MAST3: variants seen among roughly 807,000 people sequenced by gnomAD.
The protein encoded by MAST3 is microtubule associated serine/threonine kinase 3.
Under a neutral mutation model 127.0 loss-of-function variants are expected in MAST3, and 43 were observed. The observed-to-expected ratio is 0.34, with a 90% CI of 0.27 to 0.44. MAST3 has a LOEUF of 0.44. Ranked by LOEUF, MAST3 falls within the 20% of genes least tolerant of loss-of-function variation. The probability of loss-of-function intolerance (pLI) is 1.00; values close to 1 mark genes in which losing one functional copy is unlikely to be tolerated. For synonymous variants in MAST3, 785 were observed against 809.2 expected (o/e 0.97, Z 0.51); for missense variants, 1,390 against 1,919.1 (o/e 0.72, Z 5.15).
intron 2 of MAST3, among the ~76,000 whole-genome samples, chr19:18,107,983 G>A (rs530857946): frequency 7.3e-4 from 111 of 152,220 alleles, no homozygotes; most frequent in African/African-American, 2.6e-3. Context: ...TTCCTTTTGG[G>A]GAACACCAGC....
intron 10 of MAST3, 64 bp downstream of exon 10, chr19:18,124,430 T>A (rs1259915420): frequency 1.4e-6 from 2 of 1,468,734 alleles, no homozygotes; most frequent in Non-Finnish European, 1.9e-6. Flanking sequence ...ACCACAACAG[T>A]CCTGCCAAGA....
At position 18,100,128 on chromosome 19, in the gene MAST3, C is replaced by CTCTTTTTTTTTTTTTTTTT. The variant is rs776661078; in HGVS notation, c.39+2298_39+2299insCTTTTTTTTTTTTTTTTTT. Among the ~76,000 whole-genome samples, 408 of 121,514 alleles carry CTCTTTTTTTTTTTTTTTTT rather than the reference C, an allele frequency of 3.4e-3. 14 individuals carry two copies. Among genetic ancestry groups the CTCTTTTTTTTTTTTTTTTT allele is most frequent in the Admixed American group, 0.019 (197 of 10,464 alleles). The allele number at this position is 121,514 out of a possible 152,430, so 79.7% of individuals were successfully genotyped here. On this transcript the variant is annotated intron_variant, in intron 1 of 27. Coordinates refer to ENST00000687212, the MANE Select transcript of MAST3 (RefSeq NM_001393504.1). ...GGCAGAAGGATCTCTCTCTCTCTCTCTTTTTTTTTTTTTTGAGAAAGAATC... is the reference window on the plus strand; with the variant it reads ...GGCAGAAGGATCTCTCTCTCTCTCTCTCTTTTTTTTTTTTTTTTTTTTTTTTTTTTTTTGAGAAAGAATC...
In MAST3 at chr19:18,143,871, C is replaced by T. The variant is rs1243282487; in HGVS notation, c.2448C>T (p.Pro816=). The T allele has an allele frequency of 1.2e-6, 2 of 1,613,842 alleles. No individual in the cohort carries two copies. The highest frequency in any genetic ancestry group is 4.5e-5 in the East Asian group (2 of 44,890). Residue 816 remains proline, a synonymous_variant, in exon 22 of 28, where the codon CCC becomes CCT. Coordinates refer to ENST00000687212, the MANE Select transcript of MAST3 (RefSeq NM_001393504.1). ...ATACCATCAGCCTGGACACAATGCC[C>T]AAGTTTGCCTTCTCATCAGAGGATG... The part of the protein sequence containing the change: ...LLNTISLDTM[P]KFAFSSEDEG...
chr19:18,137,160 G>A, intron 18 of MAST3, 79 bp from the exon 19 acceptor site: 2 of 1,554,582 alleles, frequency 1.3e-6, no homozygotes, highest in East Asian at 2.3e-5. Flanking sequence ...TATGTGTCCA[G>A]CATGGGCAGT....
Position 18,110,257 on chromosome 19 carries a change from G to A in MAST3, c.72-395G>A, listed in dbSNP as rs75869159. 54 of 985,576 alleles carry A rather than the reference G, an allele frequency of 5.5e-5. No individual in the cohort carries two copies. The East Asian group carries it at 3.9e-3, about 70-fold the overall frequency. The allele number at this position is 985,576 out of a possible 1,614,324, so 61.1% of individuals were successfully genotyped here. A position where few individuals can be genotyped will look rare whatever the true frequency, so the allele number is the denominator to read the frequency against. On this transcript the variant is annotated intron_variant, in intron 2 of 27. Transcript: ENST00000687212. This position sits in a 1 kb window ranked among gnomAD's most constrained non-coding sequence, Gnocchi z 4.3. ...TCGGTCCGCTCGCGCCACGATCAGG[G>A]CTTCCGGGGGCCAACAAGGGGGCGT...
intron 2 of MAST3, chr19:18,109,983 C>G (rs930640995): frequency 1.0e-6 from 1 of 985,268 alleles, no homozygotes; most frequent in African/African-American, 1.7e-5. Flanking sequence ...AGTGACCGCC[C>G]TTCCCTTCCG....
intron 3 of MAST3, among the ~76,000 whole-genome samples, chr19:18,118,407 C>T (rs1367262100): frequency 1.3e-5 from 2 of 152,140 alleles, no homozygotes; most frequent in East Asian, 1.9e-4. Context: ...CGAGGTGTCC[C>T]CTGGGGTCCC....
rs1305441070 is a variant in MAST3 at position 18,121,674 on chromosome 19, T to C, written c.162-11T>C. On this transcript the variant is annotated splice_polypyrimidine_tract_variant and intron_variant, in intron 3 of 27. Transcript: ENST00000687212. ...GGCAGCCACCTACCCTGTCCCCTTT[T>C]CCCCCCACAGCTGCCGCAGCGGGAA... The C allele has an allele frequency of 3.1e-6, 5 of 1,612,192 alleles. No individual in the cohort carries two copies. The highest frequency in any genetic ancestry group is 1.3e-5 in the African/African-American group (1 of 74,872).
chr19:18,145,654 G>T lies in MAST3; in HGVS notation c.3040-89G>T. The T allele has an allele frequency of 7.1e-7, 1 of 1,417,404 alleles. No homozygotes were observed. Among genetic ancestry groups the T allele is most frequent in the South Asian group, 1.5e-5 (1 of 66,496 alleles). 87.8% of individuals were successfully genotyped at this position (1,417,404 alleles called of 1,614,324 possible). On this transcript the variant is annotated intron_variant, in intron 24 of 27. Transcript: ENST00000687212. The surrounding 1 kb of genome is among the most constrained non-coding windows in gnomAD (Gnocchi z 5.9). ...GAGACAGCACAAGAGGCAGCAGCTT[G>T]CTGGGGTCCCACAGCAGACCCAGCC...
intron 5 of MAST3, 129 bp downstream of exon 5, chr19:18,122,051 T>A: frequency 6.7e-7 from 1 of 1,486,448 alleles, no homozygotes; most frequent in Non-Finnish European, 9.0e-7. Context: ...CTGGCCCGTC[T>A]GGTGGTGGTC....
chr19:18,124,146 G>A lies in MAST3; in HGVS notation c.841G>A (p.Asp281Asn). 1 of 1,608,314 alleles carries A rather than the reference G, an allele frequency of 6.2e-7. No individual in the cohort carries two copies. Among genetic ancestry groups the A allele is most frequent in the Non-Finnish European group, 8.5e-7 (1 of 1,177,626 alleles). ...MQEKLERLLQ[D>N]AHERSDSEEV... Reference sequence around the variant, plus strand: ...GGAGAAGCTGGAGCGGCTTCTGCAGGATGTGCGTGGTTTTTCGCATGTTGA... The same window carrying A: ...GGAGAAGCTGGAGCGGCTTCTGCAGAATGTGCGTGGTTTTTCGCATGTTGA... The change falls in exon 9 of 28, where the codon GAT becomes AAT. Residue 281 changes from aspartate (D) to asparagine (N), a missense_variant and splice_region_variant. By Grantham distance (23) the Asp-to-Asn change is conservative. Transcript: ENST00000687212.
rs538554612 is a variant in MAST3 at position 18,149,466 on chromosome 19, G to A, written c.3784G>A (p.Ala1262Thr). The A allele has an allele frequency of 5.1e-5, 78 of 1,539,602 alleles. No individual in the cohort carries two copies. Among genetic ancestry groups the A allele is most frequent in the Non-Finnish European group, 6.4e-5 (73 of 1,143,340 alleles). Residue 1262 changes from alanine (A) to threonine (T), a missense_variant, in exon 28 of 28, where the codon GCT becomes ACT. Transcript: ENST00000687212. The surrounding 1 kb of genome is among the most constrained non-coding windows in gnomAD (Gnocchi z 5.9). ...RSPRLRRGQS[A>T]DKLGTGERLD... ...CCCGCGGCTGCGCCGGGGCCAGTCA[G>A]CTGACAAGCTGGGCACAGGGGAGCG... is the stretch of plus-strand genomic sequence containing the variant.
In MAST3 at chr19:18,149,554, G is replaced by A. The variant is rs772820777; in HGVS notation, c.3872G>A (p.Arg1291Gln). 3 of 1,580,554 alleles carry A rather than the reference G, an allele frequency of 1.9e-6. No homozygotes were observed. Among genetic ancestry groups the A allele is most frequent in the Non-Finnish European group, 2.6e-6 (3 of 1,164,438 alleles). ...GPEAELVVMR[R>Q]LHLSERRDSF... The stretch of plus-strand genomic sequence containing the variant: ...GAGGCCGAGCTCGTGGTCATGCGGC[G>A]GCTGCACCTGTCCGAGCGCCGAGAC... Residue 1291 changes from arginine to glutamine, a missense_variant, in exon 28 of 28, where the codon CGG (arginine) becomes CAG (glutamine). This residue lies in a region of MAST3 where 816 missense variants were observed against 934.1 expected (regional missense o/e 0.87). Transcript: ENST00000687212. This position sits in a 1 kb window ranked among gnomAD's most constrained non-coding sequence, Gnocchi z 5.9.
In MAST3 at chr19:18,145,217, C is replaced by T. The variant is rs2042903951; in HGVS notation, c.3027C>T (p.His1009=). 3 of 1,613,596 alleles carry T rather than the reference C, an allele frequency of 1.9e-6. No individual in the cohort carries two copies. Among genetic ancestry groups the T allele is most frequent in the East Asian group, 4.5e-5 (2 of 44,858 alleles). Reference sequence around the variant, plus strand: ...GTGATAGCGACGTCTACACTGTGCACCACGTCGTCTGGGTGAGTGCCGAGT... The same window carrying T: ...GTGATAGCGACGTCTACACTGTGCATCACGTCGTCTGGGTGAGTGCCGAGT... ...YMGDSDVYTV[H]HVVWSVEDGS... Residue 1009 remains histidine, a synonymous_variant, in exon 24 of 28, where the codon CAC becomes CAT. Coordinates refer to ENST00000687212, the MANE Select transcript of MAST3 (RefSeq NM_001393504.1). The surrounding 1 kb of genome is among the most constrained non-coding windows in gnomAD (Gnocchi z 5.9).
intron 3 of MAST3, among the ~76,000 whole-genome samples, chr19:18,111,408 T>C (rs963219924): frequency 1.3e-5 from 2 of 152,094 alleles, no homozygotes; most frequent in African/African-American, 2.4e-5. Flanking sequence ...TGAGCTCCTC[T>C]CATGGTTTGG....
rs199683174 is a variant in MAST3, at chr19:18,134,951, C to T, written c.1839C>T (p.Thr613=). 3.1e-6 allele frequency: 5 copies of T among 1,613,142 alleles called. No individual in the cohort carries two copies. The highest frequency in any genetic ancestry group is 4.2e-6 in the Non-Finnish European group (5 of 1,179,326). The change falls in exon 17 of 28, where the codon ACC becomes ACT. Residue 613 remains threonine, a synonymous_variant. Transcript: ENST00000687212. ...GCTGCGTGCCTTTCTTTGGAGATAC[C>T]CCCGAGGAACTCTTCGGTCAGGTGG... The part of the protein sequence containing the change: ...LVGCVPFFGD[T]PEELFGQVVS...
At chr19:18,116,378 C>T (rs576014693) in intron 3 of MAST3, among the ~76,000 whole-genome samples, 3 of 150,844 alleles carry the variant, frequency 2.0e-5, no homozygotes, top group Admixed American at 6.6e-5. Context: ...CTGCAACCTC[C>T]GCCTCCTGGG....
intron 1 of MAST3, 24 bp from the exon 2 acceptor site, chr19:18,107,563 A>G: frequency 6.2e-7 from 1 of 1,613,212 alleles, no homozygotes; most frequent in Non-Finnish European, 8.5e-7. Flanking sequence ...TCTGAGAATG[A>G]TCCCCATTTC....
In MAST3 at chr19:18,151,388, TCGTGGCAGAA is replaced by T. The variant is rs2043513398; in HGVS notation, c.*1665_*1674del. 1 of 151,238 alleles carries T rather than the reference TCGTGGCAGAA, an allele frequency of 6.6e-6. No homozygotes were observed. 9.4% of individuals were successfully genotyped at this position (151,238 alleles called of 1,614,324 possible). A position where few individuals can be genotyped will look rare whatever the true frequency, so the allele number is the denominator to read the frequency against. On this transcript the variant is annotated 3_prime_UTR_variant, in exon 28 of 28. Coordinates refer to ENST00000687212, the MANE Select transcript of MAST3 (RefSeq NM_001393504.1). ...CTGTCCCACGATCACCCAGCAGGAG[TCGTGGCAGAA>T]CGGAGCATCAGCCAGACCCTGTTGT...
Sources: gnomAD v4.1 joint callset for allele counts (sites outside exome capture counted in the v4.1 genomes callset) on GRCh38, gnomAD v4.1.1 for gene constraint, gnomAD v4.1.1 regional missense constraint, Gnocchi (gnomAD v3.1) non-coding constraint, MANE v1.5 for transcripts, NCBI Gene and HGNC (gene_info 2026-07-23, HGNC 2026-07-21) for gene names.